The following DSCAML1 variants were observed in gnomAD, a reference collection of about 807,000 sequenced individuals.
DSCAML1 encodes the protein cell adhesion molecule DSCAML1.
In DSCAML1, 38 loss-of-function variants were observed where a neutral mutation model predicts 200.5. The ratio of observed to expected loss-of-function variants is 0.19; its 90% confidence interval spans 0.15 to 0.25. The LOEUF (loss-of-function observed/expected upper bound fraction) is 0.25. Ranked by LOEUF, DSCAML1 falls within the 10% of genes least tolerant of loss-of-function variation. DSCAML1 has a pLI of 1.00. For missense variants in DSCAML1, 2,223 were observed against 2,858.8 expected, an observed-to-expected ratio of 0.78 and a Z score of 5.07; for synonymous variants, 1,215 against 1,165.0, an observed-to-expected ratio of 1.04 and a Z score of -0.87.
rs768621807 is a variant in DSCAML1, at chr11:117,649,041, A to ATATGTGTG, written c.512-116520_512-116519insCACACATA. Among the ~76,000 whole-genome samples, 51 of 137,926 alleles carry ATATGTGTG rather than the reference A, an allele frequency of 3.7e-4. 3 individuals are homozygous for ATATGTGTG. Among genetic ancestry groups the ATATGTGTG allele is most frequent in the African/African-American group, 1.0e-3 (36 of 34,972 alleles). 90.5% of individuals were successfully genotyped at this position (137,926 alleles called of 152,430 possible). On this transcript the variant is annotated intron_variant, in intron 3 of 32. Coordinates refer to ENST00000651296, the MANE Select transcript of DSCAML1 (RefSeq NM_020693.4). ...TCTCGCTCTCTCTCTCTCCATATAT[A>ATATGTGTG]TGTGTGTGTGTGTGTGTGTGTGTGT... is the stretch of plus-strand genomic sequence containing the variant.
At chr11:117,509,767 G>A (rs898528836) in intron 8 of DSCAML1, among the ~76,000 whole-genome samples, 1 of 152,210 alleles carries the variant, frequency 6.6e-6, no homozygotes, top group African/African-American at 2.4e-5. Context: ...AGGGCTAGTA[G>A]CTGCATGTGT....
intron 3 of DSCAML1, among the ~76,000 whole-genome samples, chr11:117,712,805 G>A (rs979173351): frequency 2.0e-5 from 3 of 151,956 alleles, no homozygotes; most frequent in East Asian, 1.9e-4. Flanking sequence ...CTGGGCCTGC[G>A]GCTTTGTGTC....
intron 3 of DSCAML1, among the ~76,000 whole-genome samples, chr11:117,603,927 C>A (rs1286851629): frequency 2.0e-5 from 3 of 152,194 alleles, no homozygotes; most frequent in Admixed American, 6.5e-5. Context: ...TATTTGTAAT[C>A]GCTAAAATGA....
chr11:117,645,208 G>A (rs2052498245), intron 3 of DSCAML1, among the ~76,000 whole-genome samples: 1 of 152,092 alleles, frequency 6.6e-6, no homozygotes. Context: ...GATCTCAGGG[G>A]CCCTAGAAAC....
chr11:117,541,475 A>T (rs2050267670), intron 3 of DSCAML1, among the ~76,000 whole-genome samples: 1 of 152,204 alleles, frequency 6.6e-6, no homozygotes. Context: ...GGGGTGAGGC[A>T]GCTGAACTTC....
At chr11:117,776,020 C>T (rs1021660840) in intron 3 of DSCAML1, among the ~76,000 whole-genome samples, 4 of 152,032 alleles carry the variant, frequency 2.6e-5, no homozygotes, top group South Asian at 2.1e-4. Context: ...CTGCAATGTG[C>T]GGAGATGAAG....
At chr11:117,627,842 T>C (rs1056366922) in intron 3 of DSCAML1, among the ~76,000 whole-genome samples, 2 of 152,014 alleles carry the variant, frequency 1.3e-5, no homozygotes, top group African/African-American at 4.8e-5. Context: ...TTATCAGCCA[T>C]TAGGCTCCTC....
chr11:117,483,893 A>C (rs1592649169), intron 11 of DSCAML1, among the ~76,000 whole-genome samples: 1 of 150,232 alleles, frequency 6.7e-6, no homozygotes, highest in African/African-American at 2.5e-5. Context: ...GAAACCCCCC[A>C]CCCCCATTCA....
intron 19 of DSCAML1, among the ~76,000 whole-genome samples, chr11:117,456,867 G>A (rs191738194): frequency 1.3e-5 from 2 of 151,798 alleles, no homozygotes; most frequent in Admixed American, 1.3e-4. Context: ...TAATGACGGG[G>A]TTTCCCCATG....
chr11:117,806,960 A>C (rs955563081), intron 1 of DSCAML1, among the ~76,000 whole-genome samples: 5 of 152,186 alleles, frequency 3.3e-5, no homozygotes, highest in African/African-American at 4.8e-5. Flanking sequence ...TGTGTTACAT[A>C]ATTTCATCCA....
intron 3 of DSCAML1, among the ~76,000 whole-genome samples, chr11:117,631,012 G>A (rs759303146): frequency 2.0e-5 from 3 of 152,228 alleles, no homozygotes; most frequent in Non-Finnish European, 2.9e-5. Context: ...CTGGCACATA[G>A]TGGGCACTCA....
intron 11 of DSCAML1, among the ~76,000 whole-genome samples, chr11:117,486,747 A>G (rs571016259): frequency 6.6e-6 from 1 of 152,254 alleles, no homozygotes; most frequent in African/African-American, 2.4e-5. Context: ...AGCATTGCAG[A>G]GCCCAGATGA....
At chr11:117,511,887 A>T (rs1196843275) in intron 8 of DSCAML1, among the ~76,000 whole-genome samples, 6 of 152,258 alleles carry the variant, frequency 3.9e-5, no homozygotes, top group African/African-American at 7.2e-5. Context: ...CGTGCATGCA[A>T]TACGTACCAG....
At chr11:117,606,735 A>G (rs1021809871) in intron 3 of DSCAML1, among the ~76,000 whole-genome samples, 7 of 152,136 alleles carry the variant, frequency 4.6e-5, no homozygotes, top group African/African-American at 1.7e-4. Flanking sequence ...AGGGATCCCA[A>G]TTACCTCTGT....
At chr11:117,627,890 G>A (rs4936391) in intron 3 of DSCAML1, among the ~76,000 whole-genome samples, 111,773 of 151,602 alleles carry the variant, frequency 0.74, 41,454 homozygotes, top group Admixed American at 0.78. Context: ...GCATTTTCCA[G>A]ATCCCTGGAG....
intron 20 of DSCAML1, among the ~76,000 whole-genome samples, chr11:117,448,898 A>G (rs1252106740): frequency 6.6e-6 from 1 of 152,122 alleles, no homozygotes; most frequent in Non-Finnish European, 1.5e-5. Flanking sequence ...CCAGAGACAC[A>G]TACAGGAATG....
chr11:117,727,121 A>G (rs984540319), intron 3 of DSCAML1, among the ~76,000 whole-genome samples: 1 of 152,204 alleles, frequency 6.6e-6, no homozygotes, highest in African/African-American at 2.4e-5. Flanking sequence ...CCCCACATTT[A>G]TAAATGAAGG....
chr11:117,731,459 A>G (rs539667041), intron 3 of DSCAML1, among the ~76,000 whole-genome samples: 1 of 152,252 alleles, frequency 6.6e-6, no homozygotes, highest in Admixed American at 6.5e-5. Flanking sequence ...TGAACCACTG[A>G]AGTCATCCTC....
intron 11 of DSCAML1, among the ~76,000 whole-genome samples, chr11:117,486,809 G>A (rs2049078623): frequency 6.8e-6 from 1 of 147,494 alleles, no homozygotes; most frequent in African/African-American, 2.5e-5. Flanking sequence ...GGGCTAATGG[G>A]CACTTGAAAT....
Sources: allele counts gnomAD v4.1 joint callset (sites outside exome capture counted in the v4.1 genomes callset), GRCh38; gene constraint gnomAD v4.1.1; transcripts MANE v1.5; gene names NCBI Gene and HGNC (gene_info 2026-07-23, HGNC 2026-07-21).